Variants in TACC2 observed in about 807,000 individuals in gnomAD.
The protein encoded by TACC2 is transforming acidic coiled-coil-containing protein 2.
TACC2 carries 137 observed loss-of-function variants against 227.3 expected under a neutral mutation model. The ratio of observed to expected loss-of-function variants is 0.60; its 90% confidence interval spans 0.52 to 0.69. The LOEUF (loss-of-function observed/expected upper bound fraction) is 0.69, where lower values mean the gene tolerates loss of function less well. Ranked by LOEUF, TACC2 falls within the 30% of genes least tolerant of loss-of-function variation. The probability of loss-of-function intolerance (pLI) is 0.00; values close to 1 mark genes in which losing one functional copy is unlikely to be tolerated. For missense variants in TACC2, 3,470 were observed against 3,694.4 expected (o/e 0.94, Z 1.57); for synonymous variants, 1,523 against 1,487.5 (o/e 1.02, Z -0.55).
At chr10:122,152,314 AT>A (rs551786413) in intron 7 of TACC2, among the ~76,000 whole-genome samples, 106 of 152,334 alleles carry the variant, frequency 7.0e-4, no homozygotes, top group African/African-American at 2.5e-3. Context: ...AATCAGAATG[AT>A]TTCTTAAAGA....
intron 6 of TACC2, among the ~76,000 whole-genome samples, chr10:122,139,902 G>A (rs999453366): frequency 6.6e-6 from 1 of 152,202 alleles, no homozygotes; most frequent in Non-Finnish European, 1.5e-5. Context: ...CTTGCACAAG[G>A]GCTTAATTTG....
intron 14 of TACC2, 147 bp downstream of exon 14, chr10:122,228,155 C>T: frequency 1.3e-6 from 1 of 765,736 alleles, no homozygotes; most frequent in Non-Finnish European, 2.1e-6. Context: ...AGAAGCCAAC[C>T]TGGGAAATCC....
intron 1 of TACC2, among the ~76,000 whole-genome samples, chr10:121,996,891 C>A (rs905289888): frequency 1.3e-4 from 19 of 151,844 alleles, no homozygotes; most frequent in African/African-American, 4.6e-4. Flanking sequence ...ATAGAGAAAG[C>A]CATGGGAATC....
intron 6 of TACC2, among the ~76,000 whole-genome samples, chr10:122,142,173 T>C (rs1395148237): frequency 3.3e-5 from 5 of 152,164 alleles, no homozygotes; most frequent in Non-Finnish European, 5.9e-5. Context: ...CTTTCCTAGG[T>C]CGTTATTTCT....
At chr10:122,003,128 A>G (rs1219033749) in intron 1 of TACC2, among the ~76,000 whole-genome samples, 2 of 152,054 alleles carry the variant, frequency 1.3e-5, no homozygotes, top group African/African-American at 2.4e-5. Flanking sequence ...GCTTGAACCC[A>G]GGAGGCGGAG....
intron 2 of TACC2, among the ~76,000 whole-genome samples, chr10:122,030,079 C>T (rs1958753094): frequency 6.6e-6 from 1 of 152,102 alleles, no homozygotes; most frequent in African/African-American, 2.4e-5. Context: ...GAACAGTCCC[C>T]CACAATAAAG....
chr10:122,154,028 G>T (rs996527932), intron 7 of TACC2, among the ~76,000 whole-genome samples: 7 of 152,222 alleles, frequency 4.6e-5, no homozygotes, highest in Non-Finnish European at 8.8e-5. Flanking sequence ...TCTGCATGTG[G>T]TACCTGGGGT....
At chr10:122,013,714 G>A (rs1305356069) in intron 1 of TACC2, among the ~76,000 whole-genome samples, 1 of 152,200 alleles carries the variant, frequency 6.6e-6, no homozygotes, top group Non-Finnish European at 1.5e-5. Flanking sequence ...GCAATGCCAT[G>A]GCAGAAAACG....
At chr10:122,126,712 C>G (rs1397942426) in intron 5 of TACC2, 1 of 149,966 alleles carries the variant, frequency 6.7e-6, no homozygotes, top group Non-Finnish European at 1.5e-5. Flanking sequence ...TTTTTTTCAT[C>G]TGGAAAGCCC....
In TACC2 at chr10:122,086,439, TC is replaced by T. The variant is rs746900532; in HGVS notation, c.3942del (p.Ala1316ProfsTer137). ...CTGCAGTGCAAGCCAGCAGTGGTAG[TC>T]CCAAAGCCAGAACCACTGAGGGACC... ...IPAVQASSGSPKARTTEGPVD... is the reference protein window; with the variant it reads ...IPAVQASSGSXKARTTEGPVD... On this transcript the variant is annotated frameshift_variant, in exon 4 of 23. Coordinates refer to ENST00000369005, the MANE Select transcript of TACC2 (RefSeq NM_206862.4). LOFTEE classifies it high-confidence loss of function. 31 of 1,613,662 alleles carry T rather than the reference TC, an allele frequency of 1.9e-5. No individual in the cohort carries two copies. Among genetic ancestry groups the T allele is most frequent in the African/African-American group, 2.7e-5 (2 of 74,922 alleles).
chr10:122,073,875 G>A (rs1288397839), intron 3 of TACC2, among the ~76,000 whole-genome samples: 1 of 152,056 alleles, frequency 6.6e-6, no homozygotes, highest in East Asian at 1.9e-4. Flanking sequence ...CGCCTCCTGG[G>A]TTCACACCAT....
chr10:122,093,125 T>C (rs865930440), intron 5 of TACC2, among the ~76,000 whole-genome samples: 38 of 150,172 alleles, frequency 2.5e-4, no homozygotes, highest in Admixed American at 1.0e-3. Flanking sequence ...TTTAGGGAAA[T>C]GGTTGGAAAG....
rs577789031 is a variant in TACC2, at chr10:122,204,041, C to G, written c.5972-6356C>G. Among the ~76,000 whole-genome samples, 393 of 151,362 alleles carry G rather than the reference C, an allele frequency of 2.6e-3. 2 individuals are homozygous for G. Among genetic ancestry groups the G allele is most frequent in the African/African-American group, 8.1e-3 (329 of 40,854 alleles). The stretch of plus-strand genomic sequence containing the variant: ...GGTGTGGCGGCGCGCGCCTGCAATC[C>G]CAGGCACTCGGCAGGCTGAGGCAGG... On this transcript the variant is annotated intron_variant, in intron 8 of 22. Transcript: ENST00000369005.
chr10:122,202,708 G>A, intron 8 of TACC2, among the ~76,000 whole-genome samples: 1 of 147,558 alleles, frequency 6.8e-6, no homozygotes, highest in Non-Finnish European at 1.5e-5. Flanking sequence ...TTCTCGGAGA[G>A]GGGGATTTGG....
intron 7 of TACC2, among the ~76,000 whole-genome samples, chr10:122,161,187 CG>C (rs1482998783): frequency 6.6e-6 from 1 of 152,182 alleles, no homozygotes; most frequent in Non-Finnish European, 1.5e-5. Flanking sequence ...CCTCCCACCT[CG>C]GCCACCCCAA....
At chr10:122,054,131 G>A (rs1252545894) in intron 3 of TACC2, among the ~76,000 whole-genome samples, 1 of 152,194 alleles carries the variant, frequency 6.6e-6, no homozygotes. Flanking sequence ...AATTATGCTA[G>A]AACATGGGGT....
At chr10:122,152,985 A>G (rs1396544350) in intron 7 of TACC2, among the ~76,000 whole-genome samples, 1 of 84,470 alleles carries the variant, frequency 1.2e-5, no homozygotes, top group African/African-American at 3.6e-5. Context: ...CTTTTGATAT[A>G]TATTTCTTTC....
chr10:122,210,473 G>T lies in TACC2; in HGVS notation c.6048G>T (p.Pro2016=), dbSNP rs143883746. ...DSVEGSPFRP[P]SHSFSAVFDE... ...TGGAAGGAAGTCCCTTCCGTCCCCC[G>T]TCACACTCCTTCTCTGCCGTCTTCG... is the stretch of plus-strand genomic sequence containing the variant. The change falls in exon 9 of 23, where the codon CCG becomes CCT. Residue 2016 remains proline, a synonymous_variant. Transcript: ENST00000369005. This position sits in a 1 kb window ranked among gnomAD's most constrained non-coding sequence, Gnocchi z 4.6. 1 of 1,613,854 alleles carries T rather than the reference G, an allele frequency of 6.2e-7. No homozygotes were observed. Among genetic ancestry groups the T allele is most frequent in the East Asian group, 2.2e-5 (1 of 44,868 alleles).
chr10:122,234,115 G>T (rs1228981888), intron 16 of TACC2, among the ~76,000 whole-genome samples: 2 of 152,192 alleles, frequency 1.3e-5, no homozygotes, highest in African/African-American at 4.8e-5. Flanking sequence ...GATGGCAGGT[G>T]CTCTCCCCAG....
Sources: gnomAD v4.1 joint callset for allele counts (sites outside exome capture counted in the v4.1 genomes callset) on GRCh38, gnomAD v4.1.1 for gene constraint, Gnocchi (gnomAD v3.1) non-coding constraint, MANE v1.5 for transcripts, NCBI Gene and HGNC (gene_info 2026-07-23, HGNC 2026-07-21) for gene names.